The following MPPED2 variants were observed in gnomAD, a reference collection of about 807,000 sequenced individuals.
The protein encoded by MPPED2 is metallophosphoesterase MPPED2.
MPPED2 carries 5 observed loss-of-function variants against 33.0 expected under a neutral mutation model. The observed-to-expected ratio is 0.15, with a 90% CI of 0.08 to 0.32. The LOEUF is 0.32. Ranked by LOEUF, MPPED2 falls within the 10% of genes least tolerant of loss-of-function variation. MPPED2 has a pLI of 1.00. For missense variants in MPPED2, 275 were observed against 372.1 expected, an observed-to-expected ratio of 0.74 and a Z score of 2.15; for synonymous variants, 136 against 141.9, an observed-to-expected ratio of 0.96 and a Z score of 0.29.
rs541485157 is a variant in MPPED2, at chr11:30,478,822, G to A, written c.536+16474C>T. Among the ~76,000 whole-genome samples the A allele has an allele frequency of 3.9e-5, 6 of 152,042 alleles. No individual in the cohort carries two copies. The East Asian group carries it at 9.7e-4, about 25-fold the overall frequency. On this transcript the variant is annotated intron_variant, in intron 4 of 6. Transcript: ENST00000358117. ...ATAACAACGAAACACCTTAAATAACGTTGTCGTTTTGAACGGAAGAAGGAG... is the reference window on the plus strand; with the variant it reads ...ATAACAACGAAACACCTTAAATAACATTGTCGTTTTGAACGGAAGAAGGAG...
chr11:30,408,413 G>A (rs920209673), downstream of MPPED2, among the ~76,000 whole-genome samples: 2 of 152,226 alleles, frequency 1.3e-5, no homozygotes, highest in Non-Finnish European at 2.9e-5. Context: ...CTGGGTTCAA[G>A]TGATTCTCCT....
intron 4 of MPPED2, among the ~76,000 whole-genome samples, chr11:30,422,473 A>C (rs1409688261): frequency 1.3e-5 from 2 of 152,204 alleles, no homozygotes. Context: ...AAATATCTAC[A>C]CAGAGCAGAA....
intron 3 of MPPED2, among the ~76,000 whole-genome samples, chr11:30,500,487 G>C (rs1952507077): frequency 6.6e-6 from 1 of 152,166 alleles, no homozygotes. Flanking sequence ...GACGCAGCAT[G>C]GGGATAAGAA....
downstream of MPPED2, among the ~76,000 whole-genome samples, chr11:30,408,560 T>A (rs898691579): frequency 3.9e-5 from 6 of 152,190 alleles, no homozygotes; most frequent in Non-Finnish European, 5.9e-5. Context: ...TCCGCCCGCC[T>A]CAGCCTCCCA....
intron 3 of MPPED2, among the ~76,000 whole-genome samples, chr11:30,497,951 T>C (rs891177977): frequency 1.3e-5 from 2 of 152,152 alleles, no homozygotes; most frequent in Non-Finnish European, 2.9e-5. Flanking sequence ...TTGTCTGACA[T>C]ATTTTCTTTT....
intron 2 of MPPED2, among the ~76,000 whole-genome samples, chr11:30,567,681 AAGGAT>A (rs1394345499): frequency 6.6e-6 from 1 of 152,222 alleles, no homozygotes; most frequent in Non-Finnish European, 1.5e-5. Context: ...GAAGACATAC[AAGGAT>A]AGTGAAAGTG....
At chr11:30,559,175 A>AAGTCACAAT (rs1329827158) in intron 2 of MPPED2, among the ~76,000 whole-genome samples, 1 of 152,188 alleles carries the variant, frequency 6.6e-6, no homozygotes, top group Non-Finnish European at 1.5e-5. Flanking sequence ...GTTGAAATAA[A>AAGTCACAAT]AGTCACAATA....
intron 6 of MPPED2, among the ~76,000 whole-genome samples, chr11:30,413,334 T>C (rs1443311599): frequency 6.6e-6 from 1 of 152,212 alleles, no homozygotes; most frequent in South Asian, 2.1e-4. Context: ...AGAGAGAATA[T>C]AGCGGCTGCC....
chr11:30,506,236 G>C (rs188483920), intron 3 of MPPED2, among the ~76,000 whole-genome samples: 2 of 151,914 alleles, frequency 1.3e-5, no homozygotes, highest in Admixed American at 6.6e-5. Flanking sequence ...ACAGGGTTTC[G>C]CAATGTTGGC....
intron 4 of MPPED2, among the ~76,000 whole-genome samples, chr11:30,440,509 C>T (rs939776300): frequency 2.6e-5 from 4 of 152,162 alleles, no homozygotes; most frequent in Admixed American, 2.6e-4. Flanking sequence ...TTGCTGACCC[C>T]TGTTCTGGAC....
chr11:30,413,468 A>G (rs753490982), intron 6 of MPPED2, among the ~76,000 whole-genome samples: 3 of 152,174 alleles, frequency 2.0e-5, no homozygotes, highest in African/African-American at 4.8e-5. Flanking sequence ...CCATGATTTG[A>G]AAAAGGCAGG....
chr11:30,531,626 A>G (rs1335676270), intron 3 of MPPED2, among the ~76,000 whole-genome samples: 1 of 152,214 alleles, frequency 6.6e-6, no homozygotes, highest in Non-Finnish European at 1.5e-5. Context: ...TGCTAATGTC[A>G]TAACATAATT....
intron 4 of MPPED2, among the ~76,000 whole-genome samples, chr11:30,489,426 G>A (rs1357663145): frequency 6.6e-6 from 1 of 152,130 alleles, no homozygotes; most frequent in East Asian, 1.9e-4. Context: ...GAAAAATGCT[G>A]AGAAAATTAC....
At chr11:30,566,578 G>A (rs1193563588) in intron 2 of MPPED2, among the ~76,000 whole-genome samples, 3 of 152,168 alleles carry the variant, frequency 2.0e-5, no homozygotes, top group South Asian at 2.1e-4. Context: ...AAATGAATGA[G>A]TGATTACAAG....
chr11:30,467,838 A>G (rs975993979), intron 4 of MPPED2, among the ~76,000 whole-genome samples: 1 of 152,190 alleles, frequency 6.6e-6, no homozygotes, highest in Non-Finnish European at 1.5e-5. Flanking sequence ...GCTTTCATCA[A>G]GAGATGCAGC....
At chr11:30,425,847 G>A (rs1006651795) in intron 4 of MPPED2, among the ~76,000 whole-genome samples, 5 of 152,166 alleles carry the variant, frequency 3.3e-5, no homozygotes, top group African/African-American at 1.2e-4. Context: ...GAATCTCACA[G>A]TTCCCATCAT....
chr11:30,552,212 A>G (rs900500090), intron 2 of MPPED2, among the ~76,000 whole-genome samples: 1 of 152,232 alleles, frequency 6.6e-6, no homozygotes, highest in East Asian at 1.9e-4. Context: ...TCTTGAACAC[A>G]ATGTCCTGCG....
At chr11:30,425,082 AT>A (rs1170632146) in intron 4 of MPPED2, among the ~76,000 whole-genome samples, 1 of 152,092 alleles carries the variant, frequency 6.6e-6, no homozygotes, top group East Asian at 1.9e-4. Flanking sequence ...GAAAAGAGAT[AT>A]TGTTTTGATA....
chr11:30,442,916 C>T (rs1233870050), intron 4 of MPPED2, among the ~76,000 whole-genome samples: 1 of 152,066 alleles, frequency 6.6e-6, no homozygotes, highest in East Asian at 1.9e-4. Flanking sequence ...CCTGCTTGGG[C>T]CAGGAGTTTG....
Sources: allele counts gnomAD v4.1 joint callset (sites outside exome capture counted in the v4.1 genomes callset), GRCh38; gene constraint gnomAD v4.1.1; transcripts MANE v1.5; gene names NCBI Gene and HGNC (gene_info 2026-07-23, HGNC 2026-07-21).